The following PAPPA2 variants were observed in gnomAD, a reference collection of about 807,000 sequenced individuals.
The protein encoded by PAPPA2 is pappalysin-2.
PAPPA2 carries 86 observed loss-of-function variants against 176.4 expected under a neutral mutation model. The observed-to-expected ratio is 0.49, with a 90% CI of 0.41 to 0.58. PAPPA2 has a LOEUF of 0.58. PAPPA2 is among the 20% of genes least tolerant of loss of function. The pLI, the probability that PAPPA2 is intolerant of heterozygous loss-of-function variation, is 0.00. For missense variants in PAPPA2, 2,073 were observed against 2,256.9 expected, an observed-to-expected ratio of 0.92 and a Z score of 1.65; for synonymous variants, 809 against 852.2, an observed-to-expected ratio of 0.95 and a Z score of 0.88.
chr1:176,607,738 T>TTTTTTA (rs1654695944), intron 3 of PAPPA2, among the ~76,000 whole-genome samples: 1 of 152,182 alleles, frequency 6.6e-6, no homozygotes, highest in Admixed American at 6.5e-5. Context: ...TGAATAGCTG[T>TTTTTTA]TTTTTATTTA....
rs146318746 is a variant in PAPPA2, at chr1:176,526,942, A to G, written c.-916-28465A>G. ...GTATCTGGCAATGGTGCTCAATACA[A>G]CTTTTTATTTTTACTTTTTAATTTG... On this transcript the variant is annotated intron_variant, in intron 1 of 22. Transcript: ENST00000367662. Among the ~76,000 whole-genome samples the G allele has an allele frequency of 2.1e-4, 32 of 152,336 alleles. No individual in the cohort carries two copies. In the East Asian group the frequency reaches 6.0e-3, roughly 28 times the overall value.
chr1:176,528,530 C>T (rs1175781801), intron 1 of PAPPA2, among the ~76,000 whole-genome samples: 1 of 152,188 alleles, frequency 6.6e-6, no homozygotes, highest in East Asian at 1.9e-4. Context: ...TGGTTTCTTT[C>T]CCTTAGGAGG....
At chr1:176,830,116 C>T (rs1317214467) in intron 21 of PAPPA2, among the ~76,000 whole-genome samples, 1 of 152,046 alleles carries the variant, frequency 6.6e-6, no homozygotes, top group Non-Finnish European at 1.5e-5. Context: ...TACCTGTAGT[C>T]CCAGCTACTT....
At chr1:176,483,284 C>T (rs946664573) in intron 1 of PAPPA2, among the ~76,000 whole-genome samples, 25 of 152,026 alleles carry the variant, frequency 1.6e-4, no homozygotes, top group African/African-American at 4.8e-4. Flanking sequence ...AAATACAATA[C>T]AAAGAATTGT....
Position 176,842,491 on chromosome 1 carries a change from G to C in PAPPA2, c.*37G>C. 1 of 1,587,094 alleles carries C rather than the reference G, an allele frequency of 6.3e-7. No homozygotes were observed. The highest frequency in any genetic ancestry group is 8.6e-7 in the Non-Finnish European group (1 of 1,156,990). On this transcript the variant is annotated 3_prime_UTR_variant, in exon 23 of 23. Coordinates refer to ENST00000367662, the MANE Select transcript of PAPPA2 (RefSeq NM_020318.3). ...AGCCCCTCCCTCCACTGCCTCAGAG[G>C]CAGTAAGAAAGAGAGGCCGACCCAG...
chr1:176,667,728 A>G (rs1658749222), intron 3 of PAPPA2, among the ~76,000 whole-genome samples: 2 of 152,132 alleles, frequency 1.3e-5, no homozygotes, highest in South Asian at 2.1e-4. Flanking sequence ...CTTGTTTTCT[A>G]CATGCCAATT....
Position 176,699,345 on chromosome 1 carries a change from C to G in PAPPA2, c.2992C>G (p.Pro998Ala). ...LENKESVHLG[P>A]LDTFCDIPLT... ...AAACAAGGAGTCAGTGCACCTGGGC[C>G]CCTTAGACACTTTCTGTGACATCCC... is the stretch of plus-strand genomic sequence containing the variant. Residue 998 changes from proline (P) to alanine (A), a missense_variant, in exon 8 of 23, where the codon CCC (proline) becomes GCC (alanine). By Grantham distance (27) the Pro-to-Ala change is conservative. Coordinates refer to ENST00000367662, the MANE Select transcript of PAPPA2 (RefSeq NM_020318.3). The G allele has an allele frequency of 2.5e-6, 4 of 1,614,138 alleles. No homozygotes were observed. Among genetic ancestry groups the G allele is most frequent in the Non-Finnish European group, 3.4e-6 (4 of 1,180,026 alleles).
intron 3 of PAPPA2, among the ~76,000 whole-genome samples, chr1:176,598,267 T>TA (rs1654091490): frequency 1.3e-5 from 2 of 150,258 alleles, no homozygotes; most frequent in Admixed American, 1.3e-4. Flanking sequence ...TTTTTTCACC[T>TA]GTTTTTTTTT....
intron 21 of PAPPA2, among the ~76,000 whole-genome samples, chr1:176,804,754 C>T (rs991820994): frequency 2.0e-5 from 3 of 152,174 alleles, no homozygotes; most frequent in South Asian, 2.1e-4. Flanking sequence ...AGCTACTCAA[C>T]ACGATGTTTG....
chr1:176,799,820 G>C (rs954438270), intron 20 of PAPPA2, among the ~76,000 whole-genome samples: 1 of 152,178 alleles, frequency 6.6e-6, no homozygotes, highest in Non-Finnish European at 1.5e-5. Flanking sequence ...TCTTGGGAAA[G>C]AGGATGAAAA....
Position 176,755,782 on chromosome 1 carries a change from C to T in PAPPA2, c.4152-9884C>T, listed in dbSNP as rs535551977. Among the ~76,000 whole-genome samples the T allele has an allele frequency of 2.1e-4, 32 of 152,118 alleles. 1 individual carries two copies. The highest frequency in any genetic ancestry group is 4.1e-4 in the Non-Finnish European group (28 of 68,026). ...TCAAAAATTTGCCTATAATTTTTGA[C>T]CTCCCCAAAATTTAACTACTGAAAG... On this transcript the variant is annotated intron_variant, in intron 14 of 22. Coordinates refer to ENST00000367662, the MANE Select transcript of PAPPA2 (RefSeq NM_020318.3).
At chr1:176,754,817 C>T (rs1207707634) in intron 14 of PAPPA2, among the ~76,000 whole-genome samples, 1 of 152,190 alleles carries the variant, frequency 6.6e-6, no homozygotes, top group Non-Finnish European at 1.5e-5. Context: ...GCCAAGGAGG[C>T]AGATGCTGTA....
chr1:176,529,155 C>T (rs1372366006), intron 1 of PAPPA2, among the ~76,000 whole-genome samples: 10 of 152,012 alleles, frequency 6.6e-5, no homozygotes, highest in Non-Finnish European at 1.2e-4. Flanking sequence ...TTTAGATTTT[C>T]CCTAGAGTGT....
intron 21 of PAPPA2, among the ~76,000 whole-genome samples, chr1:176,839,035 A>T (rs1199448315): frequency 1.3e-5 from 2 of 152,222 alleles, no homozygotes; most frequent in African/African-American, 4.8e-5. Flanking sequence ...AAAATACAAA[A>T]CTGTCCTTCT....
intron 21 of PAPPA2, among the ~76,000 whole-genome samples, chr1:176,807,932 G>A (rs955482593): frequency 1.5e-4 from 23 of 152,238 alleles, no homozygotes; most frequent in African/African-American, 5.5e-4. Flanking sequence ...AGATAAAGTA[G>A]AAGCCACTTC....
intron 2 of PAPPA2, among the ~76,000 whole-genome samples, chr1:176,584,944 T>A (rs1355242859): frequency 6.6e-6 from 1 of 152,196 alleles, no homozygotes; most frequent in Admixed American, 6.5e-5. Context: ...TTCACCATCT[T>A]GGCCAGGCTG....
At chr1:176,622,014 G>A (rs1655627170) in intron 3 of PAPPA2, among the ~76,000 whole-genome samples, 1 of 151,922 alleles carries the variant, frequency 6.6e-6, no homozygotes, top group African/African-American at 2.4e-5. Context: ...TAGAACACAT[G>A]CAGGAGAAAG....
intron 1 of PAPPA2, among the ~76,000 whole-genome samples, chr1:176,476,534 T>G (rs1047036607): frequency 6.6e-6 from 1 of 152,232 alleles, no homozygotes; most frequent in Non-Finnish European, 1.5e-5. Context: ...GCCAGGTCAG[T>G]AGCAGGAGAG....
In PAPPA2 at chr1:176,756,913, T is replaced by G. The variant is rs151187828; in HGVS notation, c.4152-8753T>G. On this transcript the variant is annotated intron_variant, in intron 14 of 22. Transcript: ENST00000367662. ...TGATGTTCCCCTCTCTGTGTCCATG[T>G]GTTCTCATTGTTCGACTCCCACTTA... Among the ~76,000 whole-genome samples, 1,125 of 152,320 alleles carry G rather than the reference T, an allele frequency of 7.4e-3. 55 individuals are homozygous for G. In the East Asian group the frequency reaches 0.13, roughly 18 times the overall value.
Sources: allele counts gnomAD v4.1 joint callset (sites outside exome capture counted in the v4.1 genomes callset), GRCh38; gene constraint gnomAD v4.1.1; transcripts MANE v1.5; gene names NCBI Gene and HGNC (gene_info 2026-07-23, HGNC 2026-07-21).